Variants in SDK1 observed in about 807,000 individuals in gnomAD.
The protein encoded by SDK1 is protein sidekick-1.
A neutral mutation model predicts 245.5 loss-of-function variants in SDK1; 157 were observed. The observed-to-expected ratio is 0.64, with a 90% CI of 0.56 to 0.73. The LOEUF is 0.73. Ranked by LOEUF, SDK1 falls within the 30% of genes least tolerant of loss-of-function variation. The probability of loss-of-function intolerance (pLI) is 0.00; values close to 1 mark genes in which losing one functional copy is unlikely to be tolerated. For missense variants in SDK1, 3,583 were observed against 3,002.3 expected, an observed-to-expected ratio of 1.19 and a Z score of -4.52; for synonymous variants, 1,647 against 1,278.5, an observed-to-expected ratio of 1.29 and a Z score of -6.15.
At chr7:4,186,257 T>C (rs1782888010) in intron 35 of SDK1, among the ~76,000 whole-genome samples, 1 of 152,150 alleles carries the variant, frequency 6.6e-6, no homozygotes, top group Non-Finnish European at 1.5e-5. Flanking sequence ...CACTTTGCCC[T>C]GGGGGTCCTG....
intron 1 of SDK1, among the ~76,000 whole-genome samples, chr7:3,406,017 T>G (rs954547038): frequency 6.6e-6 from 1 of 152,140 alleles, no homozygotes; most frequent in South Asian, 2.1e-4. Flanking sequence ...TTCGCCATAT[T>G]GCTCAGGCTG....
intron 1 of SDK1, among the ~76,000 whole-genome samples, chr7:3,561,194 C>T (rs145181459): frequency 2.8e-4 from 42 of 152,270 alleles, no homozygotes; most frequent in African/African-American, 9.6e-4. Flanking sequence ...GATCTGTCTC[C>T]ACAGTTCTAT....
intron 1 of SDK1, among the ~76,000 whole-genome samples, chr7:3,604,726 C>A (rs1192094395): frequency 6.6e-6 from 1 of 151,494 alleles, no homozygotes; most frequent in Admixed American, 6.6e-5. Flanking sequence ...CCTCAGCCTC[C>A]AGAGTAGCTG....
intron 44 of SDK1, among the ~76,000 whole-genome samples, chr7:4,255,895 T>C (rs1787590246): frequency 6.6e-6 from 1 of 150,798 alleles, no homozygotes; most frequent in Non-Finnish European, 1.5e-5. Flanking sequence ...CTATCTACTC[T>C]GAGCACCATT....
chr7:3,796,564 CA>C (rs2115029714), intron 4 of SDK1, among the ~76,000 whole-genome samples: 1 of 152,306 alleles, frequency 6.6e-6, no homozygotes, highest in East Asian at 1.9e-4. Flanking sequence ...CTGCTGGCTC[CA>C]CTTTCAGTAC....
chr7:4,079,562 C>T lies in SDK1; in HGVS notation c.3302C>T (p.Ser1101Phe), dbSNP rs778919430. Residue 1101 changes from serine to phenylalanine, a missense_variant, in exon 22 of 45, where the codon TCC becomes TTC. Physicochemically the swap from Ser to Phe is radical, Grantham distance 155. Transcript: ENST00000404826. ...GGCTATGACGGGAAAACGTCCATCTCCAGGTGGATTGTTGAGGGGCAGGTA... is the reference window on the plus strand; with the variant it reads ...GGCTATGACGGGAAAACGTCCATCTTCAGGTGGATTGTTGAGGGGCAGGTA... ...RPGYDGKTSI[S>F]RWIVEGQVGA... 1.4e-5 allele frequency: 23 copies of T among 1,614,094 alleles called. No individual in the cohort carries two copies. The South Asian group carries it at 1.8e-4, about 12-fold the overall frequency.
chr7:3,777,634 T>G (rs902367729), intron 4 of SDK1, among the ~76,000 whole-genome samples: 1 of 152,168 alleles, frequency 6.6e-6, no homozygotes, highest in African/African-American at 2.4e-5. Flanking sequence ...TGGTGTGATA[T>G]GTAGCTGTGA....
chr7:4,135,870 GC>G (rs1779050897), intron 28 of SDK1, among the ~76,000 whole-genome samples: 1 of 152,188 alleles, frequency 6.6e-6, no homozygotes. Context: ...ACCATTGGGG[GC>G]TCAGCCTGGT....
chr7:4,050,375 G>C (rs1207847465), intron 18 of SDK1, among the ~76,000 whole-genome samples: 4 of 152,204 alleles, frequency 2.6e-5, no homozygotes, highest in Non-Finnish European at 5.9e-5. Flanking sequence ...AGAAGCTTTT[G>C]TGAAAGAAAA....
chr7:3,825,580 C>T (rs1779751970), intron 5 of SDK1, among the ~76,000 whole-genome samples: 1 of 152,176 alleles, frequency 6.6e-6, no homozygotes, highest in African/African-American at 2.4e-5. Context: ...GATAGGATAT[C>T]ATTTCAGCTG....
chr7:4,073,266 T>G (rs1247158629), intron 20 of SDK1, among the ~76,000 whole-genome samples: 3 of 152,122 alleles, frequency 2.0e-5, no homozygotes, highest in Non-Finnish European at 4.4e-5. Flanking sequence ...GTTCATAAAT[T>G]AGGGGACGTC....
intron 3 of SDK1, 132 bp from the exon 4 acceptor site, chr7:3,641,826 T>A: frequency 1.3e-6 from 1 of 743,140 alleles, no homozygotes; most frequent in Non-Finnish European, 2.2e-6. Context: ...TGCCGTGCAG[T>A]CTCGCTCGTC....
intron 14 of SDK1, among the ~76,000 whole-genome samples, chr7:3,989,984 G>A (rs572768937): frequency 1.2e-4 from 19 of 152,328 alleles, no homozygotes; most frequent in South Asian, 1.0e-3. Flanking sequence ...CTCCAGAGCC[G>A]GTGCTCATGA....
intron 5 of SDK1, among the ~76,000 whole-genome samples, chr7:3,881,830 C>G (rs1781215597): frequency 6.6e-6 from 1 of 152,172 alleles, no homozygotes; most frequent in Non-Finnish European, 1.5e-5. Context: ...TTTACTTTCT[C>G]TCAAGTGGTT....
intron 5 of SDK1, among the ~76,000 whole-genome samples, chr7:3,913,953 C>G (rs897575599): frequency 1.3e-5 from 2 of 152,202 alleles, no homozygotes; most frequent in Non-Finnish European, 2.9e-5. Context: ...GGGCCCAGGG[C>G]TGACTCTGCT....
chr7:4,230,149 G>A (rs866073958), intron 40 of SDK1, among the ~76,000 whole-genome samples: 5 of 125,542 alleles, frequency 4.0e-5, no homozygotes, highest in Admixed American at 9.0e-5. Flanking sequence ...ATGGATAGAT[G>A]AATGGAAGGA....
chr7:3,992,759 A>G (rs570336365), intron 14 of SDK1, among the ~76,000 whole-genome samples: 32 of 152,310 alleles, frequency 2.1e-4, no homozygotes, highest in African/African-American at 7.5e-4. Context: ...CTTCAGGGTT[A>G]TCTGATTCGA....
At chr7:4,167,364 C>T (rs1781561373) in intron 32 of SDK1, among the ~76,000 whole-genome samples, 1 of 152,166 alleles carries the variant, frequency 6.6e-6, no homozygotes, top group Non-Finnish European at 1.5e-5. Flanking sequence ...GATCACACCA[C>T]TGCACTCCAG....
chr7:4,106,861 C>T (rs959888602), intron 22 of SDK1, among the ~76,000 whole-genome samples: 2 of 151,956 alleles, frequency 1.3e-5, no homozygotes, highest in East Asian at 1.9e-4. Context: ...CCCGCAGCAG[C>T]CCCTGTGGCT....
Sources: allele counts gnomAD v4.1 joint callset (sites outside exome capture counted in the v4.1 genomes callset), GRCh38; gene constraint gnomAD v4.1.1; transcripts MANE v1.5; gene names NCBI Gene and HGNC (gene_info 2026-07-23, HGNC 2026-07-21).